CNR2: variants seen among roughly 807,000 people sequenced by gnomAD.
CNR2 encodes cannabinoid receptor 2.
For missense variants in CNR2, 379 were observed against 439.9 expected (o/e 0.86, Z 1.24); for synonymous variants, 172 against 182.2 (o/e 0.94, Z 0.45).
intron 1 of CNR2, among the ~76,000 whole-genome samples, chr1:23,909,874 A>G (rs952453529): frequency 2.0e-5 from 3 of 151,830 alleles, no homozygotes; most frequent in African/African-American, 7.3e-5. Context: ...TCCCACCACA[A>G]TATGGCTTGG....
intron 1 of CNR2, among the ~76,000 whole-genome samples, chr1:23,900,022 C>T (rs1431030948): frequency 1.3e-5 from 2 of 149,866 alleles, no homozygotes; most frequent in East Asian, 2.0e-4. Context: ...GTTTAGGAGT[C>T]ATGCAGCTGG....
rs1639787726 is a variant in CNR2 at position 23,872,920 on chromosome 1, G to A, written c.*1615C>T. ...TGACTTATTGGCTGTCTTGCAAGCA[G>A]GATATAGACTGTAAGCCCCATGAGA... On this transcript the variant is annotated 3_prime_UTR_variant, in exon 2 of 2. Transcript: ENST00000374472. The A allele has an allele frequency of 6.6e-6, 1 of 152,174 alleles. No individual in the cohort carries two copies. Among genetic ancestry groups the A allele is most frequent in the Non-Finnish European group, 1.5e-5 (1 of 68,052 alleles). The allele number at this position is 152,174 out of a possible 1,614,324, so 9.4% of individuals were successfully genotyped here. A position where few individuals can be genotyped will look rare whatever the true frequency, so the allele number is the denominator to read the frequency against.
chr1:23,884,189 T>C (rs1396381336), intron 1 of CNR2, among the ~76,000 whole-genome samples: 1 of 150,942 alleles, frequency 6.6e-6, no homozygotes, highest in Non-Finnish European at 1.5e-5. Context: ...AAGCGATTCT[T>C]GTGCCTCAGC....
intron 1 of CNR2, among the ~76,000 whole-genome samples, chr1:23,904,650 G>A (rs1640459006): frequency 6.6e-6 from 1 of 152,158 alleles, no homozygotes; most frequent in Non-Finnish European, 1.5e-5. Context: ...CCATCGGGAA[G>A]TATGCATTTG....
At chr1:23,880,296 G>A (rs1168878414) in intron 1 of CNR2, among the ~76,000 whole-genome samples, 1 of 150,230 alleles carries the variant, frequency 6.7e-6, no homozygotes, top group Non-Finnish European at 1.5e-5. Flanking sequence ...TCTTGCCTCA[G>A]CCTCCCGAGT....
At chr1:23,900,970 T>C (rs567178246) in intron 1 of CNR2, among the ~76,000 whole-genome samples, 22 of 152,278 alleles carry the variant, frequency 1.4e-4, no homozygotes, top group Admixed American at 1.1e-3. Flanking sequence ...TAAGGCTTAT[T>C]ATTTGTTTTG....
intron 1 of CNR2, among the ~76,000 whole-genome samples, chr1:23,911,055 T>C (rs1472396921): frequency 1.3e-5 from 2 of 151,580 alleles, no homozygotes; most frequent in Non-Finnish European, 2.9e-5. Flanking sequence ...GCTCGGGGAC[T>C]TTTTTCAGGG....
At chr1:23,904,178 G>GTTTT (rs941406053) in intron 1 of CNR2, among the ~76,000 whole-genome samples, 3 of 132,562 alleles carry the variant, frequency 2.3e-5, no homozygotes, top group Non-Finnish European at 1.6e-5. Context: ...TCGTTTCATT[G>GTTTT]TTTTTTTTTT....
intron 1 of CNR2, among the ~76,000 whole-genome samples, chr1:23,906,471 T>C (rs778446888): frequency 3.3e-5 from 5 of 152,086 alleles, no homozygotes; most frequent in Admixed American, 6.6e-5. Flanking sequence ...AAATGTACTA[T>C]TTACAATAAG....
chr1:23,911,624 T>C (rs1305590987), intron 1 of CNR2, among the ~76,000 whole-genome samples: 1 of 152,030 alleles, frequency 6.6e-6, no homozygotes, highest in Non-Finnish European at 1.5e-5. Flanking sequence ...AAAAGATCAA[T>C]TTATGCACAC....
chr1:23,897,467 T>C (rs2148467167), intron 1 of CNR2, among the ~76,000 whole-genome samples: 1 of 137,232 alleles, frequency 7.3e-6, no homozygotes, highest in South Asian at 2.4e-4. Flanking sequence ...ATAATCCTAT[T>C]GCATGTTAAT....
intron 1 of CNR2, among the ~76,000 whole-genome samples, chr1:23,901,286 T>C (rs1469478372): frequency 1.3e-5 from 2 of 152,092 alleles, no homozygotes; most frequent in Non-Finnish European, 2.9e-5. Context: ...CAGAGATGCC[T>C]AAGACTCCAA....
At position 23,872,938 on chromosome 1, in the gene CNR2, C is replaced by G. The variant is rs752862984; in HGVS notation, c.*1597G>C. ...GCAAGCAGGATATAGACTGTAAGCC[C>G]CATGAGACAGGGGCACAGTCTCATT... On this transcript the variant is annotated 3_prime_UTR_variant, in exon 2 of 2. Coordinates refer to ENST00000374472, the MANE Select transcript of CNR2 (RefSeq NM_001841.3). 9 of 152,152 alleles carry G rather than the reference C, an allele frequency of 5.9e-5. No individual in the cohort carries two copies. The highest frequency in any genetic ancestry group is 1.2e-4 in the Non-Finnish European group (8 of 68,032). 9.4% of individuals were successfully genotyped at this position (152,152 alleles called of 1,614,324 possible).
At position 23,873,033 on chromosome 1, in the gene CNR2, G is replaced by A. The variant is rs1003315625; in HGVS notation, c.*1502C>T. The A allele has an allele frequency of 2.0e-5, 3 of 152,188 alleles. No individual in the cohort carries two copies. The highest frequency in any genetic ancestry group is 7.2e-5 in the African/African-American group (3 of 41,446). The allele number at this position is 152,188 out of a possible 1,614,324, so 9.4% of individuals were successfully genotyped here. A position where few individuals can be genotyped will look rare whatever the true frequency, so the allele number is the denominator to read the frequency against. On this transcript the variant is annotated 3_prime_UTR_variant, in exon 2 of 2. Coordinates refer to ENST00000374472, the MANE Select transcript of CNR2 (RefSeq NM_001841.3). ...TATGAGATGAATGAATAAGTGAATA[G>A]CTAGTGGATATTTTGTCTTGAAAGT...
intron 1 of CNR2, among the ~76,000 whole-genome samples, chr1:23,895,656 G>A (rs547557610): frequency 1.2e-4 from 19 of 152,204 alleles, no homozygotes; most frequent in East Asian, 3.9e-4. Flanking sequence ...ACAGGTGCGC[G>A]CCACCACACT....
At chr1:23,894,486 TAGGA>T (rs1227286431) in intron 1 of CNR2, among the ~76,000 whole-genome samples, 19 of 99,698 alleles carry the variant, frequency 1.9e-4, no homozygotes, top group African/African-American at 5.3e-4. Flanking sequence ...GGAAGGAAGC[TAGGA>T]AGGAAGGAAG....
At position 23,894,641 on chromosome 1, in the gene CNR2, T is replaced by TAAAAA. The variant is rs71575781; in HGVS notation, c.-46+18604_-46+18605insTTTTT. On this transcript the variant is annotated intron_variant, in intron 1 of 1. Coordinates refer to ENST00000374472, the MANE Select transcript of CNR2 (RefSeq NM_001841.3). ...ACACCGTGAAACCCCATCTGTATTA[T>TAAAAA]AAATAATAATAATAAAAAAATCAGC... is the stretch of plus-strand genomic sequence containing the variant. Among the ~76,000 whole-genome samples, 187 of 109,700 alleles carry TAAAAA rather than the reference T, an allele frequency of 1.7e-3. 10 individuals are homozygous for TAAAAA. The highest frequency in any genetic ancestry group is 2.7e-3 in the African/African-American group (76 of 27,962). 72.0% of individuals were successfully genotyped at this position (109,700 alleles called of 152,430 possible). A position where few individuals can be genotyped will look rare whatever the true frequency, so the allele number is the denominator to read the frequency against.
chr1:23,882,651 CAAAAA>C (rs34245051), intron 1 of CNR2, among the ~76,000 whole-genome samples: 26 of 112,658 alleles, frequency 2.3e-4, no homozygotes, highest in Admixed American at 3.2e-4. Context: ...ACTAAAAATA[CAAAAA>C]AAAAAAAAAA....
chr1:23,903,943 GCCT>G (rs1640444023), intron 1 of CNR2, among the ~76,000 whole-genome samples: 1 of 152,182 alleles, frequency 6.6e-6, no homozygotes, highest in Admixed American at 6.5e-5. Context: ...ACAGGAGCCT[GCCT>G]CCTAGTTGCT....
Sources: gnomAD v4.1 joint callset for allele counts (sites outside exome capture counted in the v4.1 genomes callset) on GRCh38, gnomAD v4.1.1 for gene constraint, MANE v1.5 for transcripts, NCBI Gene and HGNC (gene_info 2026-07-23, HGNC 2026-07-21) for gene names.